Variants in TMEM181 observed in about 807,000 individuals in gnomAD.
TMEM181 encodes G protein-coupled receptor 178.
Under a neutral mutation model 71.9 loss-of-function variants are expected in TMEM181, and 39 were observed. The ratio of observed to expected loss-of-function variants is 0.54; its 90% CI spans 0.42 to 0.71. The LOEUF is 0.71. Ranked by LOEUF, TMEM181 falls within the 30% of genes least tolerant of loss-of-function variation. TMEM181 has a pLI of 0.00. For missense variants in TMEM181, 595 were observed against 583.0 expected (o/e 1.02, Z -0.21); for synonymous variants, 245 against 228.8 (o/e 1.07, Z -0.64).
chr6:158,598,319 A>G (rs1464613701), intron 6 of TMEM181, among the ~76,000 whole-genome samples: 1 of 152,088 alleles, frequency 6.6e-6, no homozygotes. Flanking sequence ...GTTTTGATTG[A>G]CACTCTGTGG....
intron 1 of TMEM181, among the ~76,000 whole-genome samples, chr6:158,569,433 T>C (rs1582956694): frequency 6.6e-6 from 1 of 152,276 alleles, no homozygotes; most frequent in African/African-American, 2.4e-5. Context: ...GTTTTCTCTG[T>C]CTTTTTTCCT....
chr6:158,607,810 A>G (rs530630364), intron 8 of TMEM181, among the ~76,000 whole-genome samples: 4 of 152,380 alleles, frequency 2.6e-5, no homozygotes, highest in South Asian at 2.1e-4. Flanking sequence ...GCTGGGGCAG[A>G]TGCCTGGCTC....
At chr6:158,598,976 T>TA (rs1234782804) in intron 6 of TMEM181, among the ~76,000 whole-genome samples, 1 of 152,214 alleles carries the variant, frequency 6.6e-6, no homozygotes, top group Non-Finnish European at 1.5e-5. Context: ...ATGTTGTTTT[T>TA]AAACATGGGG....
intron 1 of TMEM181, among the ~76,000 whole-genome samples, chr6:158,567,112 C>G (rs546594351): frequency 6.6e-6 from 1 of 152,200 alleles, no homozygotes; most frequent in African/African-American, 2.4e-5. Context: ...CGGCTCTAGG[C>G]AGGCCAGAAT....
intron 2 of TMEM181, among the ~76,000 whole-genome samples, chr6:158,578,689 C>G (rs1051711952): frequency 6.6e-6 from 1 of 152,144 alleles, no homozygotes; most frequent in African/African-American, 2.4e-5. Flanking sequence ...ATGAGACATA[C>G]AGAGAACGAA....
Position 158,628,628 on chromosome 6 carries a change from A to C in TMEM181, c.1192+138A>C, listed in dbSNP as rs1786479089. On this transcript the variant is annotated intron_variant, in intron 14 of 16. Coordinates refer to ENST00000684151, the MANE Select transcript of TMEM181 (RefSeq NM_001376852.1). ...TTCTCCGGAGGCCTCGTCTCTGCTG[A>C]GAGGTGTCTCAGTTGGCCCCGCTGC... The C allele has an allele frequency of 4.2e-6, 3 of 708,752 alleles. No homozygotes were observed. In the East Asian group the frequency reaches 8.1e-5, roughly 19 times the overall value. 43.9% of individuals were successfully genotyped at this position (708,752 alleles called of 1,614,324 possible).
intron 13 of TMEM181, 29 bp downstream of exon 13, chr6:158,625,783 C>A: frequency 6.3e-7 from 1 of 1,590,318 alleles, no homozygotes; most frequent in Non-Finnish European, 8.6e-7. Flanking sequence ...TTGAAAACAG[C>A]AAAACGGAAT....
At chr6:158,609,684 C>T in intron 10 of TMEM181, 1 of 241,268 alleles carries the variant, frequency 4.1e-6, no homozygotes, top group Non-Finnish European at 8.8e-6. Context: ...TGGGAGACTC[C>T]CAATGACTGT....
rs1349774204 is a variant in TMEM181, at chr6:158,608,474, G to A, written c.804+11G>A. The A allele has an allele frequency of 1.2e-6, 2 of 1,614,204 alleles. No homozygotes were observed. The highest frequency in any genetic ancestry group is 1.7e-5 in the Admixed American group (1 of 60,036). ...GGGATTCGTGTCCAGGTGAGCCGGA[G>A]CCGCCCTCACTGCCGGGGGAGGTTC... On this transcript the variant is annotated intron_variant, in intron 9 of 16. Transcript: ENST00000684151.
intron 1 of TMEM181, among the ~76,000 whole-genome samples, chr6:158,561,242 ATC>A (rs1562620514): frequency 1.3e-5 from 2 of 152,142 alleles, no homozygotes; most frequent in African/African-American, 4.8e-5. Context: ...TGACAGAGAG[ATC>A]TGTTTTTCCT....
chr6:158,544,080 C>T (rs1781442665), intron 1 of TMEM181, among the ~76,000 whole-genome samples: 1 of 152,092 alleles, frequency 6.6e-6, no homozygotes, highest in African/African-American at 2.4e-5. Context: ...GATAGTGCAG[C>T]TGTGTCTGGA....
At chr6:158,618,236 CCTT>C (rs1785731133) in intron 10 of TMEM181, among the ~76,000 whole-genome samples, 1 of 152,274 alleles carries the variant, frequency 6.6e-6, no homozygotes, top group East Asian at 1.9e-4. Flanking sequence ...TATGTAATGG[CCTT>C]CTTTGTCTCT....
intron 5 of TMEM181, among the ~76,000 whole-genome samples, chr6:158,588,952 G>A (rs567410132): frequency 1.1e-4 from 16 of 152,360 alleles, no homozygotes; most frequent in Non-Finnish European, 1.8e-4. Context: ...GGGAGGAGTG[G>A]CTGGCTCTGT....
chr6:158,567,722 C>G (rs1030122930), intron 1 of TMEM181, among the ~76,000 whole-genome samples: 1 of 152,198 alleles, frequency 6.6e-6, no homozygotes, highest in Non-Finnish European at 1.5e-5. Flanking sequence ...TTCAGTGTTG[C>G]ACTTAGCAGC....
At chr6:158,537,163 C>T (rs889085269) in intron 1 of TMEM181, among the ~76,000 whole-genome samples, 7 of 152,030 alleles carry the variant, frequency 4.6e-5, no homozygotes, top group Non-Finnish European at 1.5e-5. Context: ...CTCCCGCCTC[C>T]CCGGAAAGGA....
intron 1 of TMEM181, among the ~76,000 whole-genome samples, chr6:158,570,628 C>T (rs371917910): frequency 2.0e-5 from 3 of 152,090 alleles, no homozygotes; most frequent in East Asian, 1.9e-4. Flanking sequence ...CCCTCTGCAC[C>T]CACACTCTGC....
At chr6:158,560,382 C>T in intron 1 of TMEM181, 150 bp downstream of exon 1, 1 of 943,746 alleles carries the variant, frequency 1.1e-6, no homozygotes, top group Non-Finnish European at 1.3e-6. Context: ...GGGGGCTTCG[C>T]GGGCGGGTCA....
intron 1 of TMEM181, among the ~76,000 whole-genome samples, chr6:158,543,927 A>G (rs1488720576): frequency 1.3e-5 from 2 of 152,206 alleles, no homozygotes; most frequent in East Asian, 3.8e-4. Context: ...TAAGCGTAGC[A>G]GCCGAATGCT....
chr6:158,538,859 GTATTGCAAAGTC>G, intron 1 of TMEM181, among the ~76,000 whole-genome samples: 2 of 152,186 alleles, frequency 1.3e-5, no homozygotes, highest in Non-Finnish European at 2.9e-5. Context: ...AGAGGAAGGA[GTATTGCAAAGTC>G]CCTGAGGCCA....
Sources: gnomAD v4.1 joint callset for allele counts (sites outside exome capture counted in the v4.1 genomes callset) on GRCh38, gnomAD v4.1.1 for gene constraint, MANE v1.5 for transcripts, NCBI Gene and HGNC (gene_info 2026-07-23, HGNC 2026-07-21) for gene names.